PDS5B: variants seen among roughly 807,000 people sequenced by gnomAD.
The protein encoded by PDS5B is PDS5 cohesin associated factor B.
In PDS5B, 51 loss-of-function variants were observed where a neutral mutation model predicts 184.1. The observed-to-expected ratio is 0.28, with a 90% CI of 0.22 to 0.35. The LOEUF is 0.35. Among genes scored for constraint, PDS5B ranks in the 10% least tolerant of loss-of-function variants. PDS5B has a pLI of 1.00. For synonymous variants in PDS5B, 566 were observed against 569.2 expected (o/e 0.99, Z 0.08); for missense variants, 1,180 against 1,723.3 (o/e 0.68, Z 5.58).
Position 32,684,021 on chromosome 13 carries a change from C to T in PDS5B, c.1201C>T (p.Arg401Ter), listed in dbSNP as rs1951319647. 2 of 1,485,800 alleles carry T rather than the reference C, an allele frequency of 1.3e-6. No individual in the cohort carries two copies. Among genetic ancestry groups the T allele is most frequent in the Non-Finnish European group, 9.2e-7 (1 of 1,081,866 alleles). The allele number at this position is 1,485,800 out of a possible 1,614,324, so 92.0% of individuals were successfully genotyped here. A position where few individuals can be genotyped will look rare whatever the true frequency, so the allele number is the denominator to read the frequency against. ...TGTGAGAGAGAGAACATTAGACAAA[C>T]GAGTAAGTATGAATAAATAATTATT... is the stretch of plus-strand genomic sequence containing the variant. Reference protein sequence around the residue: ...NFVRERTLDKRWRVRKEAMMG... With the variant: ...NFVRERTLDK The change falls in exon 11 of 35, where the codon CGA (arginine) becomes TGA (stop). Residue 401 changes from arginine (R) to a stop codon, truncating the protein, a stop_gained and splice_region_variant. Coordinates refer to ENST00000315596, the MANE Select transcript of PDS5B (RefSeq NM_015032.4). LOFTEE classifies it high-confidence loss of function.
chr13:32,592,326 C>T (rs924811628), intron 1 of PDS5B, among the ~76,000 whole-genome samples: 1 of 149,412 alleles, frequency 6.7e-6, no homozygotes, highest in Non-Finnish European at 1.5e-5. Flanking sequence ...GTGATCTCGG[C>T]TCACTGCAGC....
At chr13:32,698,297 A>C (rs9591252) in intron 15 of PDS5B, among the ~76,000 whole-genome samples, 58,084 of 151,562 alleles carry the variant, frequency 0.38, 11,593 homozygotes, top group Non-Finnish European at 0.44. Flanking sequence ...CCCATCCATT[A>C]TGAAGGGGCT....
intron 7 of PDS5B, among the ~76,000 whole-genome samples, chr13:32,668,469 G>T (rs1182391329): frequency 6.6e-6 from 1 of 152,098 alleles, no homozygotes; most frequent in African/African-American, 2.4e-5. Context: ...TAGCTGCTAG[G>T]TTCACTGACA....
At chr13:32,761,910 C>T (rs1300361835) in intron 30 of PDS5B, among the ~76,000 whole-genome samples, 1 of 152,106 alleles carries the variant, frequency 6.6e-6, no homozygotes, top group Non-Finnish European at 1.5e-5. Flanking sequence ...TGAACTAATT[C>T]ACATTCCCAC....
chr13:32,691,231 T>C (rs1230615055), intron 13 of PDS5B: 1 of 152,074 alleles, frequency 6.6e-6, no homozygotes, highest in Admixed American at 6.6e-5. Context: ...TATTTTTGCT[T>C]GTTTTTGAAC....
chr13:32,734,855 A>G (rs534845127), intron 20 of PDS5B, among the ~76,000 whole-genome samples: 2 of 152,172 alleles, frequency 1.3e-5, no homozygotes, highest in Non-Finnish European at 2.9e-5. Flanking sequence ...TCTCTAACAC[A>G]TTCATGTATA....
At chr13:32,686,351 C>T (rs1269890503) in intron 11 of PDS5B, among the ~76,000 whole-genome samples, 1 of 152,168 alleles carries the variant, frequency 6.6e-6, no homozygotes, top group East Asian at 1.9e-4. Flanking sequence ...TTTGATAAAG[C>T]CAATATCATA....
chr13:32,701,198 ATTC>A, intron 16 of PDS5B, 122 bp from the exon 17 acceptor site: 1 of 565,906 alleles, frequency 1.8e-6, no homozygotes, highest in East Asian at 2.9e-5. Flanking sequence ...GGCTTGTTCA[ATTC>A]TTACAGTTTG....
At position 32,764,392 on chromosome 13, in the gene PDS5B, A is replaced by G; in HGVS notation, c.3519-97A>G. The G allele has an allele frequency of 1.4e-5, 9 of 635,128 alleles. No individual in the cohort carries two copies. In the South Asian group the frequency reaches 3.7e-4, roughly 26 times the overall value. 39.3% of individuals were successfully genotyped at this position (635,128 alleles called of 1,614,324 possible). Reference sequence around the variant, plus strand: ...AACTGATTCATTTTTGAAAAGAACGAAATTTTTTCCATAAATCTGTAAAGC... The same window carrying G: ...AACTGATTCATTTTTGAAAAGAACGGAATTTTTTCCATAAATCTGTAAAGC... On this transcript the variant is annotated intron_variant, in intron 30 of 34. Coordinates refer to ENST00000315596, the MANE Select transcript of PDS5B (RefSeq NM_015032.4).
intron 8 of PDS5B, among the ~76,000 whole-genome samples, chr13:32,673,957 A>G (rs572233281): frequency 0.28 from 56 of 198 alleles, 2 homozygotes; most frequent in Admixed American, 0.5. Context: ...CTGGGACTAC[A>G]GGCTGTGCCA....
intron 19 of PDS5B, among the ~76,000 whole-genome samples, chr13:32,729,868 A>G (rs1043247215): frequency 6.6e-6 from 1 of 152,138 alleles, no homozygotes; most frequent in Middle Eastern, 3.2e-3. Flanking sequence ...AGAGTGCAGA[A>G]ACTTTCTCCT....
chr13:32,768,388 G>A (rs757990355), intron 31 of PDS5B, among the ~76,000 whole-genome samples: 19 of 152,056 alleles, frequency 1.2e-4, no homozygotes, highest in Non-Finnish European at 2.4e-4. Context: ...TCATCTCAAC[G>A]AAATACCTCC....
At position 32,775,400 on chromosome 13, in the gene PDS5B, T is replaced by C. The variant is rs374326250; in HGVS notation, c.*348T>C. On this transcript the variant is annotated 3_prime_UTR_variant, in exon 35 of 35. Coordinates refer to ENST00000315596, the MANE Select transcript of PDS5B (RefSeq NM_015032.4). Reference sequence around the variant, plus strand: ...TAAACTGACAGTACCCGACTGTTTATTGGATCTATTGATTTGAAAAGAATT... The same window carrying C: ...TAAACTGACAGTACCCGACTGTTTACTGGATCTATTGATTTGAAAAGAATT... 7 of 324,470 alleles carry C rather than the reference T, an allele frequency of 2.2e-5. No homozygotes were observed. Among genetic ancestry groups the C allele is most frequent in the East Asian group, 1.5e-4 (2 of 13,012 alleles). The allele number at this position is 324,470 out of a possible 1,614,324, so 20.1% of individuals were successfully genotyped here. A position where few individuals can be genotyped will look rare whatever the true frequency, so the allele number is the denominator to read the frequency against.
intron 1 of PDS5B, among the ~76,000 whole-genome samples, chr13:32,599,151 T>C (rs375642463): frequency 1.3e-5 from 2 of 152,276 alleles, no homozygotes; most frequent in African/African-American, 4.8e-5. Flanking sequence ...TTCAACAATT[T>C]GATGTTGAAA....
At chr13:32,650,601 AC>A (rs1315786494) in intron 2 of PDS5B, 2 of 152,198 alleles carry the variant, frequency 1.3e-5, no homozygotes, top group Non-Finnish European at 2.9e-5. Context: ...TTTTTCCTAA[AC>A]ATATAGGCAA....
At chr13:32,721,067 T>G (rs1405860160) in intron 19 of PDS5B, among the ~76,000 whole-genome samples, 1 of 152,230 alleles carries the variant, frequency 6.6e-6, no homozygotes, top group Non-Finnish European at 1.5e-5. Flanking sequence ...AGTAACAATC[T>G]GATCTCTCTT....
rs751050622 is a variant in PDS5B, at chr13:32,648,736, AT to A, written c.-19-17del. ...ATATCTATTTTTTGGTTTGCATCTA[AT>A]AGTTTTCTTGTTTCAGGGGTAGAAA... is the stretch of plus-strand genomic sequence containing the variant. On this transcript the variant is annotated splice_polypyrimidine_tract_variant and intron_variant, in intron 1 of 34. Coordinates refer to ENST00000315596, the MANE Select transcript of PDS5B (RefSeq NM_015032.4). The A allele has an allele frequency of 7.7e-4, 731 of 948,072 alleles. No individual in the cohort carries two copies. The highest frequency in any genetic ancestry group is 1.2e-3 in the Non-Finnish European group (686 of 579,604). 58.7% of individuals were successfully genotyped at this position (948,072 alleles called of 1,614,324 possible).
At chr13:32,689,594 A>G (rs1183922065) in intron 13 of PDS5B, 1 of 152,220 alleles carries the variant, frequency 6.6e-6, no homozygotes, top group Admixed American at 6.5e-5. Flanking sequence ...CCTGTTTTAC[A>G]TATGATGAAA....
At chr13:32,662,807 AAGTT>A (rs1566299118) in intron 6 of PDS5B, among the ~76,000 whole-genome samples, 1 of 152,266 alleles carries the variant, frequency 6.6e-6, no homozygotes, top group East Asian at 1.9e-4. Flanking sequence ...TCAAAACCCT[AAGTT>A]AGTAATTTGA....
Sources: gnomAD v4.1 joint callset for allele counts (sites outside exome capture counted in the v4.1 genomes callset) on GRCh38, gnomAD v4.1.1 for gene constraint, MANE v1.5 for transcripts, NCBI Gene and HGNC (gene_info 2026-07-23, HGNC 2026-07-21) for gene names.